Variants in ENG observed in about 807,000 individuals in gnomAD.
ENG encodes the protein endoglin, also known as CD105 antigen.
A neutral mutation model predicts 71.0 loss-of-function variants in ENG; 17 were observed. That is an observed-to-expected ratio of 0.24 (90% CI 0.16 to 0.36). The LOEUF is 0.36. Among genes scored for constraint, ENG ranks in the 10% least tolerant of loss-of-function variants. ENG has a pLI of 1.00. For synonymous variants in ENG, 360 were observed against 366.9 expected (o/e 0.98, Z 0.21); for missense variants, 749 against 868.3 (o/e 0.86, Z 1.73).
intron 1 of ENG, among the ~76,000 whole-genome samples, chr9:127,853,749 C>G (rs1198165174): frequency 6.6e-6 from 1 of 152,200 alleles, no homozygotes; most frequent in Non-Finnish European, 1.5e-5. Context: ...CCAGAGCCCT[C>G]TCTGCAATGA....
chr9:127,817,928 A>T, intron 12 of ENG, 192 bp downstream of exon 12: 1 of 759,488 alleles, frequency 1.3e-6, no homozygotes, highest in Non-Finnish European at 2.1e-6. Flanking sequence ...CCCCAGACAC[A>T]GCAGTCCCAC....
intron 5 of ENG, 90 bp from the exon 6 acceptor site, chr9:127,825,447 T>G: frequency 1.3e-6 from 2 of 1,580,156 alleles, no homozygotes; most frequent in Non-Finnish European, 1.7e-6. Flanking sequence ...GGCTGCACTC[T>G]TACCTGGCCA....
chr9:127,852,009 G>T (rs573307569), intron 1 of ENG, among the ~76,000 whole-genome samples: 70 of 152,190 alleles, frequency 4.6e-4, no homozygotes, highest in Middle Eastern at 3.4e-3. Context: ...CTATTTTATT[G>T]TTGCCAAAAT....
chr9:127,834,468 G>A (rs1057331586), intron 2 of ENG, among the ~76,000 whole-genome samples: 8 of 151,994 alleles, frequency 5.3e-5, no homozygotes, highest in African/African-American at 9.7e-5. Flanking sequence ...AAAGTACAGC[G>A]ATCTCTGCTC....
intron 2 of ENG, among the ~76,000 whole-genome samples, chr9:127,835,385 C>T (rs1437298153): frequency 6.6e-6 from 1 of 152,176 alleles, no homozygotes; most frequent in East Asian, 1.9e-4. Flanking sequence ...CTCTCAACTG[C>T]ACCTCTCTCC....
intron 3 of ENG, 114 bp downstream of exon 3, chr9:127,829,573 A>C: frequency 2.9e-6 from 4 of 1,397,182 alleles, no homozygotes; most frequent in Non-Finnish European, 4.0e-6. Context: ...TGTCAAGATG[A>C]AAGGGAGAAG....
At chr9:127,839,916 C>T (rs1235582240) in intron 2 of ENG, among the ~76,000 whole-genome samples, 1 of 152,160 alleles carries the variant, frequency 6.6e-6, no homozygotes, top group East Asian at 1.9e-4. Context: ...GATACGAAGA[C>T]ATTCTGTAAA....
At chr9:127,839,942 C>T (rs1218904353) in intron 2 of ENG, among the ~76,000 whole-genome samples, 19 of 152,146 alleles carry the variant, frequency 1.2e-4, no homozygotes, top group Admixed American at 1.2e-3. Flanking sequence ...ACAACCCTGG[C>T]AAAATGGGGA....
rs1830277103 is a variant in ENG, at chr9:127,815,288, T to TC, written c.*393dup. The TC allele has an allele frequency of 9.4e-6, 2 of 211,904 alleles. No individual in the cohort carries two copies. 13.1% of individuals were successfully genotyped at this position (211,904 alleles called of 1,614,324 possible). ...GGCTCTGGGCTGGGCCCTCTTCTCT[T>TC]CCCAGCGGGGAGGTGCTGTTGGCCT... On this transcript the variant is annotated 3_prime_UTR_variant, in exon 15 of 15. Coordinates refer to ENST00000373203, the MANE Select transcript of ENG (RefSeq NM_001114753.3).
intron 3 of ENG, 87 bp downstream of exon 3, chr9:127,829,600 G>T: frequency 6.4e-7 from 1 of 1,560,954 alleles, no homozygotes; most frequent in Non-Finnish European, 8.8e-7. Flanking sequence ...TGGGCCGCTG[G>T]GGTGGGAGAC....
At position 127,854,289 on chromosome 9, in the gene ENG, T is replaced by G. The variant is rs1185363650; in HGVS notation, c.67A>C (p.Ser23Arg). 2.5e-6 allele frequency: 4 copies of G among 1,586,236 alleles called. No homozygotes were observed. The African/African-American group carries it at 5.4e-5, about 21-fold the overall frequency. The change falls in exon 1 of 15, where the codon AGT (serine) becomes CGT (arginine). Residue 23 changes from serine (S) to arginine (R), a missense_variant and splice_region_variant. Coordinates refer to ENST00000373203, the MANE Select transcript of ENG (RefSeq NM_001114753.3). ...CCACCCTGGGTCCCTGGACACCTACTTGTGGGGCTGAGGCTGCAGCTGGCC... is the reference window on the plus strand; with the variant it reads ...CCACCCTGGGTCCCTGGACACCTACGTGTGGGGCTGAGGCTGCAGCTGGCC... ...LLASCSLSPT[S>R]LAETVHCDLQ... is the part of the protein sequence containing the mutation.
intron 6 of ENG, 35 bp from the exon 7 acceptor site, chr9:127,825,009 T>G: frequency 1.9e-6 from 3 of 1,606,178 alleles, no homozygotes; most frequent in South Asian, 1.1e-5. Context: ...CAGGGGGCCA[T>G]GGACACAGTC....
intron 2 of ENG, among the ~76,000 whole-genome samples, chr9:127,840,066 C>T (rs572224647): frequency 2.0e-5 from 3 of 152,330 alleles, no homozygotes; most frequent in Non-Finnish European, 4.4e-5. Context: ...TTGCTTGCAC[C>T]GTCCTGCTGG....
At chr9:127,820,642 CATG>C (rs995237942) in intron 8 of ENG, among the ~76,000 whole-genome samples, 140 of 150,926 alleles carry the variant, frequency 9.3e-4, no homozygotes, top group African/African-American at 2.9e-3. Flanking sequence ...TCCTGGCTAA[CATG>C]ATGAAACCCC....
chr9:127,820,845 T>A (rs898344177), intron 8 of ENG, among the ~76,000 whole-genome samples: 1 of 151,014 alleles, frequency 6.6e-6, no homozygotes, highest in African/African-American at 2.4e-5. Flanking sequence ...AAAAAATATA[T>A]ATATATATAT....
At chr9:127,840,076 G>T (rs1051626163) in intron 2 of ENG, among the ~76,000 whole-genome samples, 1 of 152,224 alleles carries the variant, frequency 6.6e-6, no homozygotes, top group Non-Finnish European at 1.5e-5. Flanking sequence ...CGTCCTGCTG[G>T]ATTCTTACAA....
At chr9:127,823,635 G>T (rs1222045316) in intron 8 of ENG, among the ~76,000 whole-genome samples, 1 of 146,390 alleles carries the variant, frequency 6.8e-6, no homozygotes, top group Non-Finnish European at 1.5e-5. Context: ...TGATCCACCC[G>T]CCTCGGCCTC....
chr9:127,826,244 G>T (rs1393537347), intron 4 of ENG, among the ~76,000 whole-genome samples: 1 of 152,242 alleles, frequency 6.6e-6, no homozygotes, highest in Non-Finnish European at 1.5e-5. Flanking sequence ...GCATGATAGG[G>T]CTTTGGCACA....
intron 2 of ENG, among the ~76,000 whole-genome samples, chr9:127,839,757 T>C (rs887758346): frequency 3.3e-5 from 5 of 152,138 alleles, no homozygotes; most frequent in Non-Finnish European, 7.4e-5. Context: ...GGTTTCGCCA[T>C]GTTGGCCAGG....
Sources: gnomAD v4.1 joint callset for allele counts (sites outside exome capture counted in the v4.1 genomes callset) on GRCh38, gnomAD v4.1.1 for gene constraint, MANE v1.5 for transcripts, NCBI Gene and HGNC (gene_info 2026-07-23, HGNC 2026-07-21) for gene names.